PPP4R2: variants seen among roughly 807,000 people sequenced by gnomAD.
The protein encoded by PPP4R2 is serine/threonine-protein phosphatase 4 regulatory subunit 2.
PPP4R2 carries 13 observed loss-of-function variants against 47.2 expected under a neutral mutation model. The observed-to-expected ratio is 0.28, with a 90% CI of 0.18 to 0.44. PPP4R2 has a LOEUF of 0.44. Among genes scored for constraint, PPP4R2 ranks in the 20% least tolerant of loss-of-function variants. The pLI is 1.00. For missense variants in PPP4R2, 421 were observed against 491.2 expected (o/e 0.86, Z 1.35); for synonymous variants, 151 against 163.3 (o/e 0.92, Z 0.57).
At chr3:73,012,347 T>C (rs1022475695) in intron 2 of PPP4R2, among the ~76,000 whole-genome samples, 1 of 152,180 alleles carries the variant, frequency 6.6e-6, no homozygotes, top group African/African-American at 2.4e-5. Context: ...TCACCCAGGC[T>C]GGAGTGCAGC....
chr3:73,011,855 A>G (rs1701731902), intron 2 of PPP4R2, among the ~76,000 whole-genome samples: 1 of 152,242 alleles, frequency 6.6e-6, no homozygotes, highest in African/African-American at 2.4e-5. Context: ...TAAAAATCTT[A>G]CCACACCAAT....
intron 3 of PPP4R2, among the ~76,000 whole-genome samples, chr3:73,048,064 A>T (rs1702523126): frequency 6.6e-6 from 1 of 151,984 alleles, no homozygotes; most frequent in Admixed American, 6.6e-5. Flanking sequence ...TTTAGTAGAG[A>T]CAGGGTTTCA....
intron 3 of PPP4R2, among the ~76,000 whole-genome samples, chr3:73,054,412 T>A (rs1285685723): frequency 6.6e-6 from 1 of 152,268 alleles, no homozygotes; most frequent in Non-Finnish European, 1.5e-5. Flanking sequence ...ATGGTATTTC[T>A]GACTTTTGTA....
At chr3:73,053,241 C>G (rs1228659598) in intron 3 of PPP4R2, among the ~76,000 whole-genome samples, 1 of 151,686 alleles carries the variant, frequency 6.6e-6, no homozygotes, top group Non-Finnish European at 1.5e-5. Context: ...CATACACAAA[C>G]CCACACCCAC....
chr3:73,026,592 G>T (rs1702068768), intron 2 of PPP4R2, among the ~76,000 whole-genome samples: 1 of 152,066 alleles, frequency 6.6e-6, no homozygotes, highest in Admixed American at 6.5e-5. Flanking sequence ...ATGTTTTTTG[G>T]CCTATACCGA....
At chr3:73,035,090 ACAC>A (rs150705951) in intron 2 of PPP4R2, among the ~76,000 whole-genome samples, 2,540 of 152,354 alleles carry the variant, frequency 0.017, 30 homozygotes, top group Middle Eastern at 0.031. Context: ...AAAAGCAAAA[ACAC>A]CAAATTATCC....
Position 73,066,235 on chromosome 3 carries a change from C to CAT in PPP4R2, c.*515_*516dup, listed in dbSNP as rs1455405744. ...ACAATGGAACTTTAAGTCATATATA[C>CAT]ATACATATATATATATATATATATA... On this transcript the variant is annotated 3_prime_UTR_variant, in exon 9 of 9. Coordinates refer to ENST00000356692, the MANE Select transcript of PPP4R2 (RefSeq NM_174907.4). 2.5e-5 allele frequency: 2 copies of CAT among 80,004 alleles called. No individual in the cohort carries two copies. The highest frequency in any genetic ancestry group is 5.1e-5 in the African/African-American group (1 of 19,750). The allele number at this position is 80,004 out of a possible 1,614,324, so 5.0% of individuals were successfully genotyped here. A position where few individuals can be genotyped will look rare whatever the true frequency, so the allele number is the denominator to read the frequency against.
chr3:73,058,845 T>C (rs1702784966), intron 3 of PPP4R2, among the ~76,000 whole-genome samples, 192 bp from the exon 4 acceptor site: 1 of 150,524 alleles, frequency 6.6e-6, no homozygotes, highest in Admixed American at 6.6e-5. Flanking sequence ...GGTTTTTTTG[T>C]TAAATAGAAA....
chr3:73,002,629 C>CTTTTTTTTTTTTTTTTTTTTTTT lies in PPP4R2; in HGVS notation c.116+4475_116+4476insTTTTTTTTTTTTTTTTTTTTTTT, dbSNP rs1245599779. ...TTTTTCTTTTCTTTTCTTTTCTTTT[C>CTTTTTTTTTTTTTTTTTTTTTTT]TTTTCTTTTTTTTTTTTTTTTTTTT... On this transcript the variant is annotated intron_variant, in intron 2 of 8. Coordinates refer to ENST00000356692, the MANE Select transcript of PPP4R2 (RefSeq NM_174907.4). 8.2e-4 allele frequency among the ~76,000 whole-genome samples: 68 copies of CTTTTTTTTTTTTTTTTTTTTTTT among 82,976 alleles called. 13 individuals carry two copies. The highest frequency in any genetic ancestry group is 1.1e-3 in the African/African-American group (20 of 18,064). The allele number at this position is 82,976 out of a possible 152,430, so 54.4% of individuals were successfully genotyped here. A position where few individuals can be genotyped will look rare whatever the true frequency, so the allele number is the denominator to read the frequency against.
chr3:73,011,036 A>G (rs185202881), intron 2 of PPP4R2, among the ~76,000 whole-genome samples: 11 of 151,980 alleles, frequency 7.2e-5, no homozygotes, highest in Non-Finnish European at 1.2e-4. Flanking sequence ...TAAGTAATGG[A>G]ACTGGGTTTT....
rs1235336024 is a variant in PPP4R2, at chr3:73,062,348, T to C, written c.419+1288T>C. ...GGAAAAACAGACAGTATCCACTGGATGCATTGGAACCCCAACCCAGCATTG... is the reference window on the plus strand; with the variant it reads ...GGAAAAACAGACAGTATCCACTGGACGCATTGGAACCCCAACCCAGCATTG... On this transcript the variant is annotated intron_variant, in intron 5 of 8. Transcript: ENST00000356692. 1.3e-5 allele frequency: 21 copies of C among 1,607,418 alleles called. No individual in the cohort carries two copies. In the East Asian group the frequency reaches 4.7e-4, roughly 36 times the overall value.
At chr3:73,012,284 A>G (rs186869806) in intron 2 of PPP4R2, among the ~76,000 whole-genome samples, 84 of 152,170 alleles carry the variant, frequency 5.5e-4, no homozygotes, top group Admixed American at 1.3e-3. Context: ...TTTCAGTACA[A>G]TTTTTCTCAA....
At chr3:73,062,178 A>T in intron 5 of PPP4R2, 1 of 1,556,592 alleles carries the variant, frequency 6.4e-7, no homozygotes, top group Non-Finnish European at 8.7e-7. Context: ...TAGACCTATG[A>T]TTCTTAACAA....
chr3:73,033,109 C>G (rs1702200540), intron 2 of PPP4R2, among the ~76,000 whole-genome samples: 2 of 152,064 alleles, frequency 1.3e-5, no homozygotes, highest in Non-Finnish European at 2.9e-5. Flanking sequence ...CATGCTCTTT[C>G]TTGGTTTACA....
At chr3:73,039,885 C>T (rs574780150) in intron 2 of PPP4R2, among the ~76,000 whole-genome samples, 1 of 152,248 alleles carries the variant, frequency 6.6e-6, no homozygotes, top group African/African-American at 2.4e-5. Flanking sequence ...GAAACACCGT[C>T]TCTACTAAAA....
Position 73,058,030 on chromosome 3 carries a change from C to T in PPP4R2, c.288-1007C>T, listed in dbSNP as rs537754081. Among the ~76,000 whole-genome samples, 10 of 152,224 alleles carry T rather than the reference C, an allele frequency of 6.6e-5. No homozygotes were observed. In the South Asian group the frequency reaches 8.3e-4, roughly 13 times the overall value. The stretch of plus-strand genomic sequence containing the variant: ...TTTGTTAGCTGCGTTTGTCGTACCT[C>T]GTGCTCATAACTTTGCTGTTCTGTT... On this transcript the variant is annotated intron_variant, in intron 3 of 8. Coordinates refer to ENST00000356692, the MANE Select transcript of PPP4R2 (RefSeq NM_174907.4).
At chr3:73,021,023 T>A (rs1225475052) in intron 2 of PPP4R2, among the ~76,000 whole-genome samples, 1 of 152,170 alleles carries the variant, frequency 6.6e-6, no homozygotes, top group Non-Finnish European at 1.5e-5. Flanking sequence ...ACATTTGGTA[T>A]GTAACACTTG....
At chr3:73,030,763 C>T (rs187028628) in intron 2 of PPP4R2, among the ~76,000 whole-genome samples, 8 of 151,730 alleles carry the variant, frequency 5.3e-5, no homozygotes, top group African/African-American at 9.7e-5. Context: ...AGTGCAGTGG[C>T]GTGATCTCAG....
At chr3:73,028,218 C>G (rs1451663052) in intron 2 of PPP4R2, among the ~76,000 whole-genome samples, 1 of 149,222 alleles carries the variant, frequency 6.7e-6, no homozygotes, top group East Asian at 2.0e-4. Context: ...GATCACACCA[C>G]CATATTCCAG....
Sources: allele counts gnomAD v4.1 joint callset (sites outside exome capture counted in the v4.1 genomes callset), GRCh38; gene constraint gnomAD v4.1.1; transcripts MANE v1.5; gene names NCBI Gene and HGNC (gene_info 2026-07-23, HGNC 2026-07-21).